The following VPS13B variants were observed in gnomAD, a reference collection of about 807,000 sequenced individuals.
The protein encoded by VPS13B is vacuolar protein sorting 13 homolog B, also known as intermembrane lipid transfer protein VPS13B.
In VPS13B, 285 loss-of-function variants were observed where a neutral mutation model predicts 426.4. The ratio of observed to expected loss-of-function variants is 0.67; its 90% CI spans 0.61 to 0.74. The LOEUF (loss-of-function observed/expected upper bound fraction) is 0.74, where lower values mean the gene tolerates loss of function less well. VPS13B is among the 30% of genes least tolerant of loss of function. VPS13B has a pLI of 0.00. For missense variants in VPS13B, 4,537 were observed against 4,782.6 expected (o/e 0.95, Z 1.51); for synonymous variants, 1,676 against 1,676.4 (o/e 1.00, Z 0.01).
Position 99,274,201 on chromosome 8 carries a change from T to A in VPS13B, c.2519T>A (p.Val840Glu), listed in dbSNP as rs545455603. 2 of 1,614,150 alleles carry A rather than the reference T, an allele frequency of 1.2e-6. No individual in the cohort carries two copies. The highest frequency in any genetic ancestry group is 3.3e-5 in the Admixed American group (2 of 60,032). ...ATTTGCAGTTTTCTTTTATTAGGTG[T>A]GAAATCTAAGAATCCCCTGCCAACT... ...LINEIFLSIG[V>E]KSKNPLPTLE... The change falls in exon 18 of 62, where the codon GTG becomes GAG. Residue 840 changes from valine to glutamate, a missense_variant. Coordinates refer to ENST00000357162, the MANE Select transcript of VPS13B (RefSeq NM_152564.5).
chr8:99,034,194 T>C (rs1014797766), intron 2 of VPS13B, among the ~76,000 whole-genome samples: 1 of 152,228 alleles, frequency 6.6e-6, no homozygotes, highest in Non-Finnish European at 1.5e-5. Context: ...GTGATGTCTG[T>C]TTCGTGTGCC....
intron 30 of VPS13B, among the ~76,000 whole-genome samples, chr8:99,536,034 C>T (rs1336030014): frequency 1.3e-5 from 2 of 151,470 alleles, no homozygotes; most frequent in East Asian, 1.9e-4. Context: ...ACTGCAACCT[C>T]TGCCTCCCAG....
At chr8:99,336,082 C>G (rs1423538083) in intron 19 of VPS13B, among the ~76,000 whole-genome samples, 2 of 152,180 alleles carry the variant, frequency 1.3e-5, no homozygotes, top group African/African-American at 4.8e-5. Context: ...AAGAACAAAG[C>G]AGGAGGCATC....
intron 8 of VPS13B, among the ~76,000 whole-genome samples, chr8:99,123,122 C>CAAAAAAAAAAAAAAAAAAA (rs71273164): frequency 3.3e-5 from 2 of 61,436 alleles, no homozygotes; most frequent in African/African-American, 6.2e-5. Context: ...ACTCTGTCTC[C>CAAAAAAAAAAAAAAAAAAA]AAAAAAAAAA....
chr8:99,241,523 G>A (rs1816933012), intron 17 of VPS13B: 1 of 152,090 alleles, frequency 6.6e-6, no homozygotes, highest in Non-Finnish European at 1.5e-5. Flanking sequence ...AAGTACATTT[G>A]ATTTTAACAA....
At chr8:99,103,910 A>G (rs1376093759) in intron 5 of VPS13B, among the ~76,000 whole-genome samples, 2 of 152,158 alleles carry the variant, frequency 1.3e-5, no homozygotes, top group African/African-American at 4.8e-5. Context: ...TGCTGAGATT[A>G]CAGGAATGAG....
chr8:99,835,589 A>G lies in VPS13B; in HGVS notation c.9793A>G (p.Ile3265Val). 1 of 1,614,146 alleles carries G rather than the reference A, an allele frequency of 6.2e-7. No homozygotes were observed. The highest frequency in any genetic ancestry group is 8.5e-7 in the Non-Finnish European group (1 of 1,180,030). ...CAAAAAAATTCCCTCCGAGTGCTCA[A>G]TTCATCATGAGCTGTATCATCAGAT... The part of the protein sequence containing the change: ...YCKKIPSECS[I>V]HHELYHQISS... Residue 3265 changes from isoleucine to valine, a missense_variant, in exon 54 of 62, where the codon ATT becomes GTT. Transcript: ENST00000357162.
intron 25 of VPS13B, among the ~76,000 whole-genome samples, chr8:99,491,888 T>C (rs1194009535): frequency 6.6e-6 from 1 of 152,184 alleles, no homozygotes; most frequent in African/African-American, 2.4e-5. Context: ...TCATTCTCCA[T>C]CCAGTTTTGT....
At chr8:99,325,434 C>G (rs1810196716) in intron 19 of VPS13B, among the ~76,000 whole-genome samples, 1 of 152,204 alleles carries the variant, frequency 6.6e-6, no homozygotes, top group Non-Finnish European at 1.5e-5. Flanking sequence ...TCCTTTGCAA[C>G]TGCTCATATA....
chr8:99,308,052 GCA>G (rs2133089064), intron 19 of VPS13B, among the ~76,000 whole-genome samples: 1 of 152,052 alleles, frequency 6.6e-6, no homozygotes, highest in South Asian at 2.1e-4. Context: ...CTGTATACTT[GCA>G]CAGTTTCCAA....
Position 99,233,603 on chromosome 8 carries a change from G to A in VPS13B, c.2515+40546G>A, listed in dbSNP as rs1816475597. On this transcript the variant is annotated intron_variant, in intron 17 of 61. Coordinates refer to ENST00000357162, the MANE Select transcript of VPS13B (RefSeq NM_152564.5). ...AACAGCCAGCATATCATTTTCAAAG[G>A]CCTCACGCAGCTTCTTCATAATCTC... 1.6e-5 allele frequency: 19 copies of A among 1,197,316 alleles called. No individual in the cohort carries two copies. The Admixed American group carries it at 3.0e-4, about 19-fold the overall frequency. The allele number at this position is 1,197,316 out of a possible 1,614,324, so 74.2% of individuals were successfully genotyped here.
At position 99,501,725 on chromosome 8, in the gene VPS13B, A is replaced by G. The variant is rs779666289; in HGVS notation, c.3909A>G (p.Ser1303=). 5 of 1,614,078 alleles carry G rather than the reference A, an allele frequency of 3.1e-6. No homozygotes were observed. The highest frequency in any genetic ancestry group is 4.2e-6 in the Non-Finnish European group (5 of 1,180,012). ...AAGCAGGTGAGGAATCACCATTCTCAGATTCTGTGACCTTGGAACAAACTA... is the reference window on the plus strand; with the variant it reads ...AAGCAGGTGAGGAATCACCATTCTCGGATTCTGTGACCTTGGAACAAACTA... ...SIQAGEESPF[S]DSVTLEQTTS... Residue 1303 remains serine, a synonymous_variant, in exon 26 of 62, where the codon TCA becomes TCG. Coordinates refer to ENST00000357162, the MANE Select transcript of VPS13B (RefSeq NM_152564.5).
At chr8:99,836,158 T>C (rs1198818597) in intron 54 of VPS13B, among the ~76,000 whole-genome samples, 2 of 152,196 alleles carry the variant, frequency 1.3e-5, no homozygotes, top group Admixed American at 1.3e-4. Flanking sequence ...CCCACAAATA[T>C]AAGTACAGTT....
intron 31 of VPS13B, among the ~76,000 whole-genome samples, chr8:99,573,763 G>A (rs1240465668): frequency 1.3e-5 from 2 of 152,100 alleles, no homozygotes; most frequent in African/African-American, 2.4e-5. Context: ...TTTTTGCTTA[G>A]GATTGTCTTG....
chr8:99,291,652 C>T (rs984376073), intron 19 of VPS13B, among the ~76,000 whole-genome samples: 1 of 151,780 alleles, frequency 6.6e-6, no homozygotes, highest in Non-Finnish European at 1.5e-5. Flanking sequence ...GTTCTGCTAT[C>T]CAAAAATAGA....
intron 14 of VPS13B, among the ~76,000 whole-genome samples, chr8:99,150,604 T>C (rs1811019351): frequency 6.6e-6 from 1 of 152,234 alleles, no homozygotes. Context: ...GTTTTGCCTT[T>C]TCTAGACTGT....
chr8:99,146,101 C>A (rs928388458), intron 13 of VPS13B, among the ~76,000 whole-genome samples: 9 of 136,114 alleles, frequency 6.6e-5, no homozygotes, highest in Admixed American at 5.8e-4. Flanking sequence ...TGCTTATTTG[C>A]CATTTTTATT....
chr8:99,501,922 CCCTCCCTT>C (rs1297179732), intron 26 of VPS13B, 64 bp downstream of exon 26: 34 of 1,411,216 alleles, frequency 2.4e-5, no homozygotes, highest in African/African-American at 2.0e-4. Context: ...CTCCCTCCCT[CCCTCCCTT>C]CCTTCCTTCC....
intron 34 of VPS13B, among the ~76,000 whole-genome samples, chr8:99,646,099 T>C (rs1025432505): frequency 3.3e-5 from 5 of 152,188 alleles, no homozygotes; most frequent in Non-Finnish European, 5.9e-5. Flanking sequence ...CTAAAAGAGA[T>C]ATTACCATGA....
Sources: gnomAD v4.1 joint callset for allele counts (sites outside exome capture counted in the v4.1 genomes callset) on GRCh38, gnomAD v4.1.1 for gene constraint, MANE v1.5 for transcripts, NCBI Gene and HGNC (gene_info 2026-07-23, HGNC 2026-07-21) for gene names.